The following RBM26 variants were observed in gnomAD, a reference collection of about 807,000 sequenced individuals.
RBM26 encodes the protein RNA-binding protein 26.
A neutral mutation model predicts 123.6 loss-of-function variants in RBM26; 30 were observed. That is an observed-to-expected ratio of 0.24 (90% confidence interval 0.18 to 0.33). The LOEUF (loss-of-function observed/expected upper bound fraction) is 0.33, where lower values mean the gene tolerates loss of function less well. RBM26 is among the 10% of genes least tolerant of loss of function. The pLI is 1.00. For synonymous variants in RBM26, 400 were observed against 404.4 expected (o/e 0.99, Z 0.13); for missense variants, 947 against 1,203.6 (o/e 0.79, Z 3.15).
chr13:79,391,417 C>A (rs1164958613), intron 1 of RBM26, among the ~76,000 whole-genome samples: 1 of 152,092 alleles, frequency 6.6e-6, no homozygotes, highest in African/African-American at 2.4e-5. Context: ...TAAAATGAAG[C>A]ATTTCTTTTT....
At chr13:79,327,472 A>C (rs1243914464) in intron 20 of RBM26, among the ~76,000 whole-genome samples, 5 of 152,008 alleles carry the variant, frequency 3.3e-5, no homozygotes, top group Non-Finnish European at 5.9e-5. Context: ...ATTTTTCTAA[A>C]GGTAAACGAT....
downstream of RBM26, chr13:79,314,684 T>C (rs1462024336): frequency 5.8e-6 from 1 of 172,364 alleles, no homozygotes; most frequent in Non-Finnish European, 1.2e-5. Flanking sequence ...GACTTGAATA[T>C]ACGTCATCCA....
intron 17 of RBM26, among the ~76,000 whole-genome samples, chr13:79,341,485 G>A (rs1287927811): frequency 6.6e-6 from 1 of 151,666 alleles, no homozygotes; most frequent in Non-Finnish European, 1.5e-5. Context: ...AGACTGATAT[G>A]GGGTAATTAA....
Position 79,377,499 on chromosome 13 carries a change from C to A in RBM26, c.207G>T (p.Val69=). 1 of 1,610,700 alleles carries A rather than the reference C, an allele frequency of 6.2e-7. No homozygotes were observed. The highest frequency in any genetic ancestry group is 8.5e-7 in the Non-Finnish European group (1 of 1,177,368). The change falls in exon 3 of 22, where the codon GTG becomes GTT. Residue 69 remains valine, a synonymous_variant. Coordinates refer to ENST00000438737, the MANE Select transcript of RBM26 (RefSeq NM_001366735.2). The part of the protein sequence containing the change: ...VFLQKETQIF[V]EKLFDAVNTK... ...TATTCACAGCATCAAAAAGTTTTTC[C>A]ACAAATATCTGTGTCTCTAAAAATA...
At chr13:79,343,599 T>C (rs2071793117) in intron 16 of RBM26, among the ~76,000 whole-genome samples, 1 of 151,858 alleles carries the variant, frequency 6.6e-6, no homozygotes, top group Non-Finnish European at 1.5e-5. Flanking sequence ...ATGTCATAAA[T>C]TAGAGTAACT....
rs368625408 is a variant in RBM26 at position 79,342,698 on chromosome 13, C to T, written c.2393G>A (p.Arg798His). The T allele has an allele frequency of 1.1e-5, 18 of 1,608,996 alleles. No homozygotes were observed. Among genetic ancestry groups the T allele is most frequent in the South Asian group, 4.4e-5 (4 of 90,112 alleles). The change falls in exon 17 of 22, where the codon CGC (arginine) becomes CAC (histidine). Residue 798 changes from arginine to histidine, a missense_variant. Physicochemically the swap from Arg to His is conservative, Grantham distance 29. This residue lies in a region of RBM26 where 493 missense variants were observed against 563.1 expected (regional missense o/e 0.88). Transcript: ENST00000438737. ...GGTTTTTATACTTTTTGGAAGACAG[C>T]GTCCAGGAGAAGCAGCTTTGACCTC... ...KDEVKAASPG[R>H]CLPKSIKTKT... is the part of the protein sequence containing the mutation.
chr13:79,387,592 G>A (rs932552007), intron 1 of RBM26, among the ~76,000 whole-genome samples: 14 of 148,426 alleles, frequency 9.4e-5, no homozygotes, highest in Admixed American at 4.7e-4. Context: ...TGAACCATAC[G>A]ATCTGAAAAA....
At chr13:79,392,388 C>G (rs2078166776) in intron 1 of RBM26, among the ~76,000 whole-genome samples, 1 of 143,256 alleles carries the variant, frequency 7.0e-6, no homozygotes, top group African/African-American at 2.5e-5. Context: ...AGGAAAAAAG[C>G]TTACTTTCTT....
chr13:79,360,113 T>C (rs1435658862), intron 9 of RBM26, among the ~76,000 whole-genome samples: 2 of 152,098 alleles, frequency 1.3e-5, no homozygotes, highest in African/African-American at 2.4e-5. Context: ...ATAACTTTTA[T>C]TATAGTATAT....
At chr13:79,377,178 T>G in intron 3 of RBM26, 1 of 471,122 alleles carries the variant, frequency 2.1e-6, no homozygotes. Flanking sequence ...TTTGCTGACT[T>G]TGCTTTATAT....
chr13:79,400,563 TAGC>T (rs1182485152), intron 1 of RBM26, among the ~76,000 whole-genome samples: 1 of 152,140 alleles, frequency 6.6e-6, no homozygotes, highest in African/African-American at 2.4e-5. Flanking sequence ...ATTCAAATCT[TAGC>T]AGTAATTAAT....
chr13:79,377,835 G>T (rs547789960), intron 2 of RBM26, among the ~76,000 whole-genome samples: 39 of 152,212 alleles, frequency 2.6e-4, no homozygotes, highest in African/African-American at 8.4e-4. Context: ...TTGAACCCAG[G>T]AGGCAGAGAC....
chr13:79,387,345 T>C (rs1462542768), intron 1 of RBM26, among the ~76,000 whole-genome samples: 1 of 152,150 alleles, frequency 6.6e-6, no homozygotes, highest in African/African-American at 2.4e-5. Flanking sequence ...TAAATTCTGG[T>C]TGCTATATTT....
intron 1 of RBM26, among the ~76,000 whole-genome samples, chr13:79,380,182 A>C (rs978919346): frequency 1.3e-5 from 2 of 152,200 alleles, no homozygotes; most frequent in Admixed American, 1.3e-4. Flanking sequence ...TAAAATCAAA[A>C]ATGTGCACAT....
At chr13:79,354,179 G>C (rs555715269) in intron 13 of RBM26, among the ~76,000 whole-genome samples, 1 of 151,788 alleles carries the variant, frequency 6.6e-6, no homozygotes, top group African/African-American at 2.4e-5. Flanking sequence ...CACAAAGTGA[G>C]AGAGAAATCT....
intron 12 of RBM26, 50 bp downstream of exon 12, chr13:79,355,170 T>C: frequency 6.4e-7 from 1 of 1,560,658 alleles, no homozygotes; most frequent in Non-Finnish European, 8.8e-7. Context: ...AACGCTATGC[T>C]AAGAGCTTTC....
intron 14 of RBM26, among the ~76,000 whole-genome samples, chr13:79,352,377 A>G (rs115413267): frequency 2.1e-3 from 316 of 152,302 alleles, no homozygotes; most frequent in African/African-American, 7.2e-3. Flanking sequence ...ATAAGCATAT[A>G]GAACTAAGAA....
rs148881888 is a variant in RBM26, at chr13:79,397,080, C to T, written c.71+8624G>A. 7.1e-3 allele frequency among the ~76,000 whole-genome samples: 1,086 copies of T among 152,254 alleles called. 7 individuals carry two copies. Among genetic ancestry groups the T allele is most frequent in the Non-Finnish European group, 0.012 (786 of 68,014 alleles). ...CCTGTAGTCCCACCTACTCAGGAGG[C>T]TGAGGCCTGAGAATCGTTTGAACCT... On this transcript the variant is annotated intron_variant, in intron 1 of 21. Transcript: ENST00000438737.
chr13:79,376,581 T>C (rs554407904), intron 3 of RBM26: 3 of 152,286 alleles, frequency 2.0e-5, no homozygotes, highest in African/African-American at 7.2e-5. Context: ...AGAGAGAAGG[T>C]TGTAAAATAC....
Sources: allele counts gnomAD v4.1 joint callset (sites outside exome capture counted in the v4.1 genomes callset), GRCh38; gene constraint gnomAD v4.1.1; regional missense constraint gnomAD v4.1.1; transcripts MANE v1.5; gene names NCBI Gene and HGNC (gene_info 2026-07-23, HGNC 2026-07-21).